SH2D4A: variants seen among roughly 807,000 people sequenced by gnomAD.
The protein encoded by SH2D4A is SH2 domain containing 4A.
In SH2D4A, 70 loss-of-function variants were observed where a neutral mutation model predicts 64.7. That is an observed-to-expected ratio of 1.08 (90% CI 0.89 to 1.32). The LOEUF (loss-of-function observed/expected upper bound fraction) is 1.32, where lower values mean the gene tolerates loss of function less well. Ranked by LOEUF, SH2D4A falls within the 40% of genes most tolerant of loss-of-function variation. The pLI, the probability that SH2D4A is intolerant of heterozygous loss-of-function variation, is 0.00. For missense variants in SH2D4A, 706 were observed against 540.1 expected (o/e 1.31, Z -3.04); for synonymous variants, 268 against 200.7 (o/e 1.34, Z -2.83).
chr8:19,321,894 A>G (rs1036168328), intron 2 of SH2D4A, among the ~76,000 whole-genome samples: 2 of 152,222 alleles, frequency 1.3e-5, no homozygotes, highest in African/African-American at 4.8e-5. Flanking sequence ...ATGACTTAAA[A>G]TAATAATTTC....
intron 1 of SH2D4A, 200 bp downstream of exon 1, chr8:19,314,023 C>G: frequency 9.5e-7 from 1 of 1,050,240 alleles, no homozygotes; most frequent in Non-Finnish European, 1.1e-6. Context: ...CGAGAGCGGC[C>G]GCGGCGGGTG....
intron 9 of SH2D4A, among the ~76,000 whole-genome samples, chr8:19,393,997 T>A (rs960534301): frequency 7.8e-6 from 1 of 128,346 alleles, no homozygotes; most frequent in African/African-American, 3.0e-5. Flanking sequence ...TAGTGTAGAA[T>A]CAGTGGGAGC....
At position 19,315,084 on chromosome 8, in the gene SH2D4A, C is replaced by A. The variant is rs541970362; in HGVS notation, c.-205+1261C>A. Among the ~76,000 whole-genome samples the A allele has an allele frequency of 2.8e-3, 405 of 146,846 alleles. 1 individual carries two copies. Among genetic ancestry groups the A allele is most frequent in the African/African-American group, 9.6e-3 (391 of 40,660 alleles). ...AATTGCGGTTTTTACGTAAAAAAAA[C>A]CGCAGTTACTTTTTTTTTGGCCATG... On this transcript the variant is annotated intron_variant, in intron 1 of 9. Transcript: ENST00000265807.
At chr8:19,394,158 C>G (rs1357600666) in intron 9 of SH2D4A, among the ~76,000 whole-genome samples, 4 of 152,142 alleles carry the variant, frequency 2.6e-5, no homozygotes, top group Non-Finnish European at 5.9e-5. Flanking sequence ...CTATGAAAAT[C>G]TAATGCTGCT....
chr8:19,326,220 G>A (rs2052276956), intron 2 of SH2D4A, among the ~76,000 whole-genome samples: 1 of 152,192 alleles, frequency 6.6e-6, no homozygotes, highest in South Asian at 2.1e-4. Flanking sequence ...TGCAAAATAG[G>A]TGAGTAATCA....
intron 2 of SH2D4A, among the ~76,000 whole-genome samples, chr8:19,332,174 C>A (rs535295360): frequency 6.6e-6 from 1 of 152,122 alleles, no homozygotes; most frequent in African/African-American, 2.4e-5. Flanking sequence ...ACCTATGAAG[C>A]CTGTGAATGT....
chr8:19,361,377 T>C, intron 6 of SH2D4A, 63 bp downstream of exon 6: 1 of 1,503,828 alleles, frequency 6.6e-7, no homozygotes, highest in Non-Finnish European at 8.9e-7. Flanking sequence ...CCCTTAATAA[T>C]GTGATCAATC....
chr8:19,382,582 A>G (rs538205757), intron 8 of SH2D4A, among the ~76,000 whole-genome samples: 1 of 152,286 alleles, frequency 6.6e-6, no homozygotes, highest in Admixed American at 6.5e-5. Flanking sequence ...AAGGTAGGCT[A>G]GGCAAATTAT....
At chr8:19,334,633 G>A (rs139524003) in intron 3 of SH2D4A, 53 bp from the exon 4 acceptor site, 1 of 1,536,290 alleles carries the variant, frequency 6.5e-7, no homozygotes, top group East Asian at 2.3e-5. Flanking sequence ...CTTTGGAAAG[G>A]CTCTTCCTGT....
intron 9 of SH2D4A, 95 bp from the exon 10 acceptor site, chr8:19,394,444 GCTTTGTGTAAA>G (rs1453692049): frequency 8.5e-5 from 60 of 709,972 alleles, no homozygotes; most frequent in Non-Finnish European, 1.2e-4. Context: ...AACCACAAAA[GCTTTGTGTAAA>G]TCATGGGTAG....
intron 5 of SH2D4A, among the ~76,000 whole-genome samples, chr8:19,359,744 A>C (rs1032539835): frequency 1.4e-5 from 2 of 145,280 alleles, no homozygotes; most frequent in African/African-American, 5.7e-5. Context: ...TTACATCTGC[A>C]GTGAAGCACA....
chr8:19,373,471 T>C, intron 7 of SH2D4A, 59 bp from the exon 8 acceptor site: 21 of 1,280,516 alleles, frequency 1.6e-5, no homozygotes, highest in South Asian at 5.0e-5. Context: ...TATATGACTT[T>C]TGAGGGCATT....
chr8:19,327,163 C>G (rs2052295376), intron 2 of SH2D4A, among the ~76,000 whole-genome samples: 1 of 152,174 alleles, frequency 6.6e-6, no homozygotes, highest in Non-Finnish European at 1.5e-5. Flanking sequence ...ACTGACCCGC[C>G]TTTCTAGAAA....
At chr8:19,332,809 T>A in intron 2 of SH2D4A, 146 bp from the exon 3 acceptor site, 1 of 594,610 alleles carries the variant, frequency 1.7e-6, no homozygotes, top group Admixed American at 3.6e-5. Flanking sequence ...CCTACAGATG[T>A]TCCTGAGCAG....
At chr8:19,388,193 C>CA (rs2053422913) in intron 8 of SH2D4A, among the ~76,000 whole-genome samples, 2 of 152,276 alleles carry the variant, frequency 1.3e-5, no homozygotes, top group Non-Finnish European at 2.9e-5. Flanking sequence ...GAGTTAAAAG[C>CA]AAAACCCCAG....
chr8:19,349,368 T>G (rs2052661956), intron 4 of SH2D4A, among the ~76,000 whole-genome samples: 1 of 152,238 alleles, frequency 6.6e-6, no homozygotes, highest in African/African-American at 2.4e-5. Context: ...TAAGCTGTTG[T>G]GCTTTTTAAA....
intron 8 of SH2D4A, among the ~76,000 whole-genome samples, chr8:19,381,505 CTG>C (rs2053292171): frequency 1.3e-5 from 2 of 152,270 alleles, no homozygotes; most frequent in African/African-American, 2.4e-5. Context: ...TGTGTGTTGT[CTG>C]TGTATCCTGC....
At chr8:19,362,493 C>G (rs1195365863) in intron 6 of SH2D4A, among the ~76,000 whole-genome samples, 1 of 152,082 alleles carries the variant, frequency 6.6e-6, no homozygotes, top group African/African-American at 2.4e-5. Flanking sequence ...TAATCCCAGC[C>G]TTTTGGGAGG....
Position 19,393,441 on chromosome 8 carries a change from G to A in SH2D4A, c.1172G>A (p.Cys391Tyr), listed in dbSNP as rs759725912. 3.0e-5 allele frequency: 48 copies of A among 1,614,142 alleles called. No homozygotes were observed. The highest frequency in any genetic ancestry group is 3.8e-5 in the Non-Finnish European group (45 of 1,180,062). ...CTGTCCTATCTGTCGGAGGACGGCT[G>A]TAAACATTTCCTCATCGATGCCTCT... ...YALSYLSEDG[C>Y]KHFLIDASAD... Residue 391 changes from cysteine to tyrosine, a missense_variant, in exon 9 of 10, where the codon TGT becomes TAT. Coordinates refer to ENST00000265807, the MANE Select transcript of SH2D4A (RefSeq NM_022071.4).
Sources: gnomAD v4.1 joint callset for allele counts (sites outside exome capture counted in the v4.1 genomes callset) on GRCh38, gnomAD v4.1.1 for gene constraint, MANE v1.5 for transcripts, NCBI Gene and HGNC (gene_info 2026-07-23, HGNC 2026-07-21) for gene names.